The following APBA1 variants were observed in gnomAD, a reference collection of about 807,000 sequenced individuals.
APBA1 encodes amyloid beta precursor protein binding family A member 1.
APBA1 carries 55 observed loss-of-function variants against 86.6 expected under a neutral mutation model. That is an observed-to-expected ratio of 0.64 (90% CI 0.51 to 0.80). The LOEUF is 0.80. Ranked by LOEUF, APBA1 falls within the 30% of genes least tolerant of loss-of-function variation. The probability of loss-of-function intolerance (pLI) is 0.00; values close to 1 mark genes in which losing one functional copy is unlikely to be tolerated. For missense variants in APBA1, 1,090 were observed against 1,183.0 expected (o/e 0.92, Z 1.15); for synonymous variants, 511 against 493.9 (o/e 1.03, Z -0.46).
At chr9:69,663,881 T>C (rs771191475) in intron 1 of APBA1, among the ~76,000 whole-genome samples, 7 of 152,180 alleles carry the variant, frequency 4.6e-5, no homozygotes, top group South Asian at 2.1e-4. Context: ...AGTTGCCTTA[T>C]GTATAAATGC....
intron 2 of APBA1, among the ~76,000 whole-genome samples, chr9:69,491,277 A>G (rs1256868783): frequency 6.6e-6 from 1 of 152,108 alleles, no homozygotes; most frequent in Non-Finnish European, 1.5e-5. Flanking sequence ...ATGCAGCCAT[A>G]AAAAAGGATG....
chr9:69,458,538 T>C (rs1835137602), intron 5 of APBA1, among the ~76,000 whole-genome samples: 1 of 152,214 alleles, frequency 6.6e-6, no homozygotes, highest in Admixed American at 6.5e-5. Context: ...TTCCTTCTAC[T>C]TTCTTTGGGT....
At chr9:69,615,075 C>T (rs1822673229) in intron 1 of APBA1, among the ~76,000 whole-genome samples, 1 of 152,106 alleles carries the variant, frequency 6.6e-6, no homozygotes, top group Admixed American at 6.5e-5. Context: ...TGGTGTACAC[C>T]TGTAGTCCCA....
At chr9:69,616,673 G>A (rs113786142) in intron 1 of APBA1, among the ~76,000 whole-genome samples, 29 of 152,156 alleles carry the variant, frequency 1.9e-4, no homozygotes, top group African/African-American at 5.1e-4. Context: ...AACCTCCCTT[G>A]TTGCTCAAAT....
intron 1 of APBA1, among the ~76,000 whole-genome samples, chr9:69,545,183 C>T (rs928294521): frequency 6.6e-6 from 1 of 152,208 alleles, no homozygotes; most frequent in African/African-American, 2.4e-5. Flanking sequence ...GGAGTTGTGA[C>T]TTAGCCAGAC....
chr9:69,516,525 T>C lies in APBA1; in HGVS notation c.686A>G (p.Glu229Gly). 1.3e-6 allele frequency: 2 copies of C among 1,595,418 alleles called. No individual in the cohort carries two copies. The highest frequency in any genetic ancestry group is 1.7e-6 in the Non-Finnish European group (2 of 1,176,588). The stretch of plus-strand genomic sequence containing the variant: ...ATGGTGCAGCCGCGCGCCCAGGGCC[T>C]CCTGGCGGTACGCGGCCGCCTCGTC... ...ERDEAAAYRQEALGARLHHYD... is the reference protein window; with the variant it reads ...ERDEAAAYRQGALGARLHHYD... The change falls in exon 2 of 13, where the codon GAG becomes GGG. Residue 229 changes from glutamate (E) to glycine (G), a missense_variant. Around this residue, in one of 6 missense-constraint regions of APBA1, gnomAD observed 678 missense variants for 647.1 expected, o/e 1.05. Transcript: ENST00000265381. This position sits in a 1 kb window ranked among gnomAD's most constrained non-coding sequence, Gnocchi z 7.3.
intron 1 of APBA1, among the ~76,000 whole-genome samples, chr9:69,619,796 G>A (rs200220829): frequency 2.6e-5 from 4 of 152,112 alleles, no homozygotes; most frequent in East Asian, 1.9e-4. Context: ...TTAATTATTC[G>A]CATTGACAGA....
intron 1 of APBA1, among the ~76,000 whole-genome samples, chr9:69,542,268 G>A (rs369372694): frequency 3.9e-5 from 6 of 152,266 alleles, no homozygotes; most frequent in Admixed American, 2.0e-4. Flanking sequence ...CTGGCACATC[G>A]TTATAAAACA....
chr9:69,554,419 A>G (rs900340665), intron 1 of APBA1, among the ~76,000 whole-genome samples: 1 of 152,370 alleles, frequency 6.6e-6, no homozygotes, highest in African/African-American at 2.4e-5. Context: ...TTATACAATT[A>G]GTAGGCACCA....
At chr9:69,626,069 T>C (rs931042124) in intron 1 of APBA1, among the ~76,000 whole-genome samples, 5 of 152,184 alleles carry the variant, frequency 3.3e-5, no homozygotes, top group Non-Finnish European at 5.9e-5. Context: ...GTACAGGTCA[T>C]GTCAAATTTT....
At chr9:69,493,640 C>T (rs1054022238) in intron 2 of APBA1, among the ~76,000 whole-genome samples, 12 of 152,060 alleles carry the variant, frequency 7.9e-5, no homozygotes, top group Admixed American at 1.3e-4. Context: ...CATTAGCTTA[C>T]GTTTCCTCTC....
intron 10 of APBA1, among the ~76,000 whole-genome samples, chr9:69,446,864 G>A (rs966583825): frequency 1.1e-4 from 16 of 152,188 alleles, no homozygotes; most frequent in Non-Finnish European, 1.8e-4. Flanking sequence ...CAGGAAGCGC[G>A]GCTTGTTCCT....
At chr9:69,502,966 G>A (rs1835901560) in intron 2 of APBA1, among the ~76,000 whole-genome samples, 1 of 152,056 alleles carries the variant, frequency 6.6e-6, no homozygotes, top group South Asian at 2.1e-4. Flanking sequence ...GTACAGCCCC[G>A]GCCTTGACCT....
intron 1 of APBA1, among the ~76,000 whole-genome samples, chr9:69,569,999 CAG>C (rs1444827142): frequency 6.6e-6 from 1 of 152,178 alleles, no homozygotes; most frequent in Non-Finnish European, 1.5e-5. Context: ...CATTCCAAGA[CAG>C]AGAATCAGAG....
At chr9:69,655,820 GT>G (rs1823597016) in intron 1 of APBA1, among the ~76,000 whole-genome samples, 1 of 152,092 alleles carries the variant, frequency 6.6e-6, no homozygotes, top group South Asian at 2.1e-4. Context: ...GGAGGAATAA[GT>G]TCTGTTACAT....
At chr9:69,555,670 C>A (rs1205445210) in intron 1 of APBA1, among the ~76,000 whole-genome samples, 1 of 151,990 alleles carries the variant, frequency 6.6e-6, no homozygotes, top group Non-Finnish European at 1.5e-5. Flanking sequence ...ATATTTAATG[C>A]CTTTTTAAAA....
At chr9:69,503,362 T>G (rs1048846395) in intron 2 of APBA1, among the ~76,000 whole-genome samples, 2 of 152,146 alleles carry the variant, frequency 1.3e-5, no homozygotes, top group African/African-American at 4.8e-5. Flanking sequence ...TCTAATCTTT[T>G]TCCCTGGAAT....
At chr9:69,537,313 T>C (rs1357626474) in intron 1 of APBA1, among the ~76,000 whole-genome samples, 1 of 152,108 alleles carries the variant, frequency 6.6e-6, no homozygotes, top group Non-Finnish European at 1.5e-5. Context: ...TCTTTAGCTC[T>C]GCAATCAAAC....
At chr9:69,671,743 G>A (rs935362598) in intron 1 of APBA1, among the ~76,000 whole-genome samples, 36 of 152,232 alleles carry the variant, frequency 2.4e-4, no homozygotes, top group African/African-American at 7.9e-4. Context: ...TTCTCCAGGA[G>A]AGTCAGCCGA....
Sources: allele counts gnomAD v4.1 joint callset (sites outside exome capture counted in the v4.1 genomes callset), GRCh38; gene constraint gnomAD v4.1.1; regional missense constraint gnomAD v4.1.1; non-coding constraint Gnocchi (gnomAD v3.1); transcripts MANE v1.5; gene names NCBI Gene and HGNC (gene_info 2026-07-23, HGNC 2026-07-21).